The following GABRG2 variants were observed in gnomAD, a reference collection of about 807,000 sequenced individuals.
GABRG2 encodes gamma-aminobutyric acid type A receptor subunit gamma2, also known as gamma-aminobutyric acid receptor subunit gamma-2.
Under a neutral mutation model 56.4 loss-of-function variants are expected in GABRG2, and 16 were observed. That is an observed-to-expected ratio of 0.28 (90% CI 0.19 to 0.43). The LOEUF (loss-of-function observed/expected upper bound fraction) is 0.43. Ranked by LOEUF, GABRG2 falls within the 20% of genes least tolerant of loss-of-function variation. The pLI is 1.00. For synonymous variants in GABRG2, 208 were observed against 205.5 expected, an observed-to-expected ratio of 1.01 and a Z score of -0.10; for missense variants, 327 against 582.7, an observed-to-expected ratio of 0.56 and a Z score of 4.52.
intron 1 of GABRG2, among the ~76,000 whole-genome samples, chr5:162,079,016 T>C (rs115659085): frequency 0.068 from 10,226 of 150,126 alleles, 390 homozygotes; most frequent in Middle Eastern, 0.078. Context: ...AGATTAATAT[T>C]ATATAATTAA....
At chr5:162,131,457 T>C (rs1389004607) in intron 6 of GABRG2, among the ~76,000 whole-genome samples, 5 of 151,996 alleles carry the variant, frequency 3.3e-5, no homozygotes, top group Non-Finnish European at 2.9e-5. Flanking sequence ...AACATCACTT[T>C]AAGAGTATTC....
chr5:162,138,433 CTCTG>C (rs1315519120), intron 6 of GABRG2, among the ~76,000 whole-genome samples: 2 of 152,184 alleles, frequency 1.3e-5, no homozygotes, highest in Non-Finnish European at 2.9e-5. Context: ...CAGAACATCT[CTCTG>C]TCTATCTGGG....
chr5:162,148,116 A>G (rs758241592), intron 7 of GABRG2, among the ~76,000 whole-genome samples: 12 of 152,326 alleles, frequency 7.9e-5, no homozygotes, highest in Non-Finnish European at 1.2e-4. Flanking sequence ...TTGTCTTGAC[A>G]TTGTTCCCTG....
At chr5:162,114,921 T>G (rs1429035046) in intron 6 of GABRG2, among the ~76,000 whole-genome samples, 1 of 151,332 alleles carries the variant, frequency 6.6e-6, no homozygotes, top group Non-Finnish European at 1.5e-5. Context: ...AAAAGCTTTG[T>G]TGCCGTTTTT....
intron 1 of GABRG2, among the ~76,000 whole-genome samples, chr5:162,085,737 A>C (rs925085678): frequency 6.8e-6 from 1 of 146,538 alleles, no homozygotes; most frequent in Admixed American, 6.8e-5. Context: ...CCTACCCTTC[A>C]CTCTCTGAAA....
intron 6 of GABRG2, among the ~76,000 whole-genome samples, chr5:162,116,617 A>T (rs1424372740): frequency 6.6e-6 from 1 of 151,912 alleles, no homozygotes; most frequent in Non-Finnish European, 1.5e-5. Flanking sequence ...GAAGGCCTCT[A>T]TAGGGATGGA....
At chr5:162,150,709 G>A (rs552738390) in intron 8 of GABRG2, 1 of 152,278 alleles carries the variant, frequency 6.6e-6, no homozygotes, top group South Asian at 2.1e-4. Flanking sequence ...ATTCTAGGTT[G>A]TATTCTGATG....
At chr5:162,073,782 G>A (rs972404635) in intron 1 of GABRG2, among the ~76,000 whole-genome samples, 9 of 151,950 alleles carry the variant, frequency 5.9e-5, no homozygotes, top group Non-Finnish European at 1.3e-4. Context: ...TTACAGAAAC[G>A]TTTGCATTCA....
intron 1 of GABRG2, among the ~76,000 whole-genome samples, chr5:162,072,206 G>A (rs1283262641): frequency 6.6e-6 from 1 of 151,856 alleles, no homozygotes; most frequent in Non-Finnish European, 1.5e-5. Context: ...GTTCAGATTG[G>A]AAGGAAGTTA....
intron 1 of GABRG2, among the ~76,000 whole-genome samples, chr5:162,082,848 C>A (rs1241565165): frequency 6.6e-6 from 1 of 151,356 alleles, no homozygotes; most frequent in Non-Finnish European, 1.5e-5. Context: ...ACTTTTAAAG[C>A]GAACAATAAA....
chr5:162,106,392 G>A (rs773521482), intron 6 of GABRG2, among the ~76,000 whole-genome samples: 5 of 152,036 alleles, frequency 3.3e-5, no homozygotes, highest in South Asian at 2.1e-4. Flanking sequence ...CAACGGGCTC[G>A]GTGACGAGAA....
At chr5:162,076,262 A>C (rs1759097555) in intron 1 of GABRG2, among the ~76,000 whole-genome samples, 2 of 151,956 alleles carry the variant, frequency 1.3e-5, no homozygotes. Context: ...TATTTTTGTT[A>C]CTCTTATTGT....
At chr5:162,080,099 C>T (rs1484334950) in intron 1 of GABRG2, among the ~76,000 whole-genome samples, 4 of 152,094 alleles carry the variant, frequency 2.6e-5, no homozygotes, top group Non-Finnish European at 5.9e-5. Context: ...AATTCCTTCC[C>T]GCCTACTTCC....
At chr5:162,111,160 T>A (rs1418947348) in intron 6 of GABRG2, among the ~76,000 whole-genome samples, 1 of 152,176 alleles carries the variant, frequency 6.6e-6, no homozygotes, top group African/African-American at 2.4e-5. Context: ...AAGTTTTCAA[T>A]AAAATTTCAA....
At chr5:162,142,016 C>A in intron 6 of GABRG2, 148 bp from the exon 7 acceptor site, 3 of 1,014,130 alleles carry the variant, frequency 3.0e-6, no homozygotes, top group East Asian at 2.4e-5. Context: ...GTTTTTTAAC[C>A]CAAGCGGGCA....
intron 1 of GABRG2, among the ~76,000 whole-genome samples, chr5:162,088,386 C>T (rs1760297950): frequency 6.6e-6 from 1 of 152,130 alleles, no homozygotes; most frequent in African/African-American, 2.4e-5. Flanking sequence ...ATATGTGTGC[C>T]TTGTCTCTGT....
chr5:162,084,884 T>C (rs1194605546), intron 1 of GABRG2, among the ~76,000 whole-genome samples: 1 of 151,908 alleles, frequency 6.6e-6, no homozygotes, highest in African/African-American at 2.4e-5. Flanking sequence ...GGAAGCCTTC[T>C]TTATTACACT....
chr5:162,079,967 T>C (rs190079289), intron 1 of GABRG2, among the ~76,000 whole-genome samples: 404 of 152,118 alleles, frequency 2.7e-3, no homozygotes, highest in Non-Finnish European at 4.3e-3. Flanking sequence ...TTTAAACCCA[T>C]AAACGCACAT....
chr5:162,111,783 A>G (rs1762268948), intron 6 of GABRG2, among the ~76,000 whole-genome samples: 2 of 152,166 alleles, frequency 1.3e-5, no homozygotes, highest in South Asian at 4.1e-4. Context: ...TTTTTACTCC[A>G]TAAAGAAATG....
Sources: allele counts gnomAD v4.1 joint callset (sites outside exome capture counted in the v4.1 genomes callset), GRCh38; gene constraint gnomAD v4.1.1; transcripts MANE v1.5; gene names NCBI Gene and HGNC (gene_info 2026-07-23, HGNC 2026-07-21).